The following SYNE1 variants were observed in gnomAD, a reference collection of about 807,000 sequenced individuals.
SYNE1 encodes the protein nesprin-1.
In SYNE1, 616 loss-of-function variants were observed where a neutral mutation model predicts 1,111.0. The ratio of observed to expected loss-of-function variants is 0.55; its 90% CI spans 0.52 to 0.59. The LOEUF is 0.59. SYNE1 is among the 20% of genes least tolerant of loss of function. The pLI is 0.00. For synonymous variants in SYNE1, 3,855 were observed against 3,825.8 expected, an observed-to-expected ratio of 1.01 and a Z score of -0.28; for missense variants, 10,006 against 10,417.0, an observed-to-expected ratio of 0.96 and a Z score of 1.72.
intron 3 of SYNE1, among the ~76,000 whole-genome samples, chr6:152,606,462 A>G (rs1024753659): frequency 1.3e-5 from 2 of 152,194 alleles, no homozygotes; most frequent in African/African-American, 4.8e-5. Flanking sequence ...GCAGAGTTAG[A>G]ATCTTACCTT....
chr6:152,346,402 A>G (rs971954288), intron 73 of SYNE1, among the ~76,000 whole-genome samples: 2 of 152,058 alleles, frequency 1.3e-5, no homozygotes, highest in Admixed American at 1.3e-4. Flanking sequence ...CCTGACCTCA[A>G]GTGATTCACC....
In SYNE1 at chr6:152,148,861, G is replaced by T. The variant is rs1435511080; in HGVS notation, c.24643-483C>A. Reference sequence around the variant, plus strand: ...CACACAACACCTACACACTGGCAAGGATCGGAAATAAGAGCAAATTACTAA... The same window carrying T: ...CACACAACACCTACACACTGGCAAGTATCGGAAATAAGAGCAAATTACTAA... On this transcript the variant is annotated intron_variant, in intron 136 of 145. Coordinates refer to ENST00000367255, the MANE Select transcript of SYNE1 (RefSeq NM_182961.4). This position sits in a 1 kb window ranked among gnomAD's most constrained non-coding sequence, Gnocchi z 4.1. Among the ~76,000 whole-genome samples, 1 of 152,034 alleles carries T rather than the reference G, an allele frequency of 6.6e-6. No homozygotes were observed. Among genetic ancestry groups the T allele is most frequent in the Admixed American group, 6.6e-5 (1 of 15,266 alleles).
intron 144 of SYNE1, among the ~76,000 whole-genome samples, chr6:152,131,754 G>A (rs6940532): frequency 6.6e-6 from 1 of 152,144 alleles, no homozygotes; most frequent in African/African-American, 2.4e-5. Context: ...CTCCAGCCGA[G>A]GCGCCCCGCA....
intron 9 of SYNE1, 137 bp from the exon 10 acceptor site, chr6:152,502,879 C>A: frequency 2.9e-6 from 2 of 696,006 alleles, no homozygotes; most frequent in South Asian, 1.8e-5. Flanking sequence ...GAATTTTGGA[C>A]GGGGAGGAGG....
intron 44 of SYNE1, among the ~76,000 whole-genome samples, chr6:152,407,766 T>C (rs1424314638): frequency 6.7e-6 from 1 of 149,380 alleles, no homozygotes; most frequent in Non-Finnish European, 1.5e-5. Flanking sequence ...AATGTTCTTT[T>C]TTTTTTTTTT....
chr6:152,186,497 G>A (rs957003459), intron 128 of SYNE1, among the ~76,000 whole-genome samples: 18 of 145,030 alleles, frequency 1.2e-4, no homozygotes, highest in Middle Eastern at 3.6e-3. Flanking sequence ...TGGAGTCTGC[G>A]GTGAGCCGAG....
chr6:152,451,204 T>C lies in SYNE1; in HGVS notation c.3029A>G (p.Asp1010Gly), dbSNP rs1297327015. 6.2e-7 allele frequency: 1 copy of C among 1,613,736 alleles called. No individual in the cohort carries two copies. The highest frequency in any genetic ancestry group is 8.5e-7 in the Non-Finnish European group (1 of 1,179,950). Reference protein sequence around the residue: ...AVRKLHKQWKDLQGEAPYHLL... With the variant: ...AVRKLHKQWKGLQGEAPYHLL... Reference sequence around the variant, plus strand: ...ATGATAAGGGGCTTCTCCTTGAAGATCCTACATTCCATAGGAAGATTCAGA... The same window carrying C: ...ATGATAAGGGGCTTCTCCTTGAAGACCCTACATTCCATAGGAAGATTCAGA... Residue 1010 changes from aspartate (D) to glycine (G), a missense_variant and splice_region_variant, in exon 26 of 146, where the codon GAT becomes GGT. Transcript: ENST00000367255.
intron 93 of SYNE1, among the ~76,000 whole-genome samples, chr6:152,299,849 T>G (rs2095080015): frequency 2.0e-5 from 3 of 152,170 alleles, no homozygotes; most frequent in Admixed American, 6.5e-5. Flanking sequence ...ATCAACTTCT[T>G]TGAAAAAATG....
At chr6:152,339,449 G>A in intron 74 of SYNE1, 83 bp from the exon 75 acceptor site, 1 of 1,567,972 alleles carries the variant, frequency 6.4e-7, no homozygotes, top group Non-Finnish European at 8.7e-7. Flanking sequence ...ATATTCTGTT[G>A]ACATTTCAAA....
At chr6:152,353,158 C>A (rs2096771762) in intron 69 of SYNE1, 105 bp downstream of exon 69, 1 of 1,443,988 alleles carries the variant, frequency 6.9e-7, no homozygotes, top group African/African-American at 1.4e-5. Context: ...GATCACCAAT[C>A]ATAATGGTTG....
In SYNE1 at chr6:152,401,219, T is replaced by C; in HGVS notation, c.6948A>G (p.Ile2316Met). The C allele has an allele frequency of 2.5e-6, 4 of 1,614,204 alleles. No individual in the cohort carries two copies. The highest frequency in any genetic ancestry group is 3.4e-6 in the Non-Finnish European group (4 of 1,180,024). The part of the protein sequence containing the change: ...STQVEKFIND[I>M]TTWFTKVEES... ...CTTCCACTTTTGTGAACCATGTTGT[T>C]ATGTCATTAATAAACTTCTCCACTT... Residue 2316 changes from isoleucine (I) to methionine (M), a missense_variant, in exon 47 of 146, where the codon ATA (isoleucine) becomes ATG (methionine). By Grantham distance (10) the Ile-to-Met change is conservative. Around this residue, in one of 7 missense-constraint regions of SYNE1, gnomAD observed 4,955 missense variants for 5,017.2 expected, o/e 0.99. Transcript: ENST00000367255.
Position 152,362,324 on chromosome 6 carries a change from C to T in SYNE1, c.10146-1G>A. 6.2e-7 allele frequency: 1 copy of T among 1,614,170 alleles called. No homozygotes were observed. The highest frequency in any genetic ancestry group is 8.5e-7 in the Non-Finnish European group (1 of 1,180,028). On this transcript the variant is annotated splice_acceptor_variant, in intron 63 of 145. Coordinates refer to ENST00000367255, the MANE Select transcript of SYNE1 (RefSeq NM_182961.4). LOFTEE classifies it high-confidence loss of function. Reference sequence around the variant, plus strand: ...CTTGGAGAGAGCTCCTTCGAGTTGGCTGAAAGGGATTTGAAAGGACAATAA... The same window carrying T: ...CTTGGAGAGAGCTCCTTCGAGTTGGTTGAAAGGGATTTGAAAGGACAATAA...
Position 152,465,759 on chromosome 6 carries a change from GAA to G in SYNE1, c.1729+221_1729+222del, listed in dbSNP as rs2098761000. Among the ~76,000 whole-genome samples the G allele has an allele frequency of 7.5e-5, 7 of 93,514 alleles. No homozygotes were observed. The South Asian group carries it at 2.5e-3, about 34-fold the overall frequency. 61.3% of individuals were successfully genotyped at this position (93,514 alleles called of 152,430 possible). A position where few individuals can be genotyped will look rare whatever the true frequency, so the allele number is the denominator to read the frequency against. ...ATGCTTATTTTGTTCTCTCTTAGAA[GAA>G]CACATACACACACACACACACACAC... On this transcript the variant is annotated intron_variant, in intron 17 of 145. Transcript: ENST00000367255.
chr6:152,340,807 C>T (rs541552809), intron 74 of SYNE1, among the ~76,000 whole-genome samples: 3 of 152,160 alleles, frequency 2.0e-5, no homozygotes, highest in Non-Finnish European at 4.4e-5. Context: ...ACGTGGAGAA[C>T]GGCTTGCCAC....
In SYNE1 at chr6:152,251,529, C is replaced by T. The variant is rs554294367; in HGVS notation, c.19471-2267G>A. On this transcript the variant is annotated intron_variant, in intron 104 of 145. Coordinates refer to ENST00000367255, the MANE Select transcript of SYNE1 (RefSeq NM_182961.4). ...ATCCCAGCACTTTGGGAGGCCGAGG[C>T]GGGCGGATCACGAGGTCAGGAGATC... Among the ~76,000 whole-genome samples the T allele has an allele frequency of 3.4e-4, 51 of 151,894 alleles. No individual in the cohort carries two copies. The South Asian group carries it at 1.0e-2, about 30-fold the overall frequency.
At chr6:152,478,775 C>T (rs184544535) in intron 14 of SYNE1, 1 of 152,272 alleles carries the variant, frequency 6.6e-6, no homozygotes, top group Non-Finnish European at 1.5e-5. Context: ...TGCCAGGCAC[C>T]ATTAAGGGCC....
intron 145 of SYNE1, among the ~76,000 whole-genome samples, chr6:152,125,056 A>C (rs2052882030): frequency 6.6e-6 from 1 of 152,252 alleles, no homozygotes; most frequent in Admixed American, 6.5e-5. Context: ...CCAGTGGCAG[A>C]AGATTTCAAC....
At chr6:152,362,613 A>G (rs529938902) in intron 63 of SYNE1, among the ~76,000 whole-genome samples, 5 of 152,284 alleles carry the variant, frequency 3.3e-5, no homozygotes, top group African/African-American at 1.2e-4. Flanking sequence ...GGGAGCCTCA[A>G]AGGCAAAACT....
chr6:152,472,320 A>G lies in SYNE1; in HGVS notation c.1444T>C (p.Leu482=). 2 of 1,613,926 alleles carry G rather than the reference A, an allele frequency of 1.2e-6. No homozygotes were observed. The highest frequency in any genetic ancestry group is 2.2e-5 in the South Asian group (2 of 91,068). The change falls in exon 15 of 146, where the codon TTA becomes CTA. Residue 482 remains leucine (L), a synonymous_variant. Transcript: ENST00000367255. ...VNGIPVPPDQ[L]EDMAERFHFV... ...TCTTACCTCTCGGCCATGTCCTCTAATTGATCAGGTGGCACTGGAATCCCG... is the reference window on the plus strand; with the variant it reads ...TCTTACCTCTCGGCCATGTCCTCTAGTTGATCAGGTGGCACTGGAATCCCG...
Sources: gnomAD v4.1 joint callset for allele counts (sites outside exome capture counted in the v4.1 genomes callset) on GRCh38, gnomAD v4.1.1 for gene constraint, gnomAD v4.1.1 regional missense constraint, Gnocchi (gnomAD v3.1) non-coding constraint, MANE v1.5 for transcripts, NCBI Gene and HGNC (gene_info 2026-07-23, HGNC 2026-07-21) for gene names.